EML1: variants seen among roughly 807,000 people sequenced by gnomAD.
EML1 encodes the protein echinoderm microtubule-associated protein-like 1.
EML1 carries 27 observed loss-of-function variants against 110.4 expected under a neutral mutation model. The ratio of observed to expected loss-of-function variants is 0.24; its 90% CI spans 0.18 to 0.34. The LOEUF (loss-of-function observed/expected upper bound fraction) is 0.34. EML1 is among the 10% of genes least tolerant of loss of function. The pLI, the probability that EML1 is intolerant of heterozygous loss-of-function variation, is 1.00. For missense variants in EML1, 741 were observed against 1,030.9 expected, an observed-to-expected ratio of 0.72 and a Z score of 3.85; for synonymous variants, 344 against 385.8, an observed-to-expected ratio of 0.89 and a Z score of 1.27.
At chr14:99,937,492 T>C (rs2060496305) in intron 19 of EML1, among the ~76,000 whole-genome samples, 1 of 151,104 alleles carries the variant, frequency 6.6e-6, no homozygotes, top group Non-Finnish European at 1.5e-5. Context: ...GGCAGAGCTG[T>C]GTTCAGGGGC....
At chr14:99,782,669 T>C (rs1566862146) in intron 1 of EML1, among the ~76,000 whole-genome samples, 3 of 152,074 alleles carry the variant, frequency 2.0e-5, no homozygotes, top group Non-Finnish European at 2.9e-5. Context: ...TACTCTCTGG[T>C]ATAGCTGGAG....
chr14:99,760,618 G>A (rs142674636), intron 1 of EML1, among the ~76,000 whole-genome samples: 1 of 152,138 alleles, frequency 6.6e-6, no homozygotes, highest in Non-Finnish European at 1.5e-5. Context: ...TGCAAAGTAT[G>A]TAAGCCTCCT....
intron 2 of EML1, among the ~76,000 whole-genome samples, chr14:99,855,631 A>G (rs931393111): frequency 6.6e-6 from 1 of 152,136 alleles, no homozygotes; most frequent in Non-Finnish European, 1.5e-5. Flanking sequence ...CCCATTTGAA[A>G]TTTTGCTTGT....
chr14:99,819,899 A>G (rs1486981429), intron 1 of EML1, among the ~76,000 whole-genome samples: 1 of 152,244 alleles, frequency 6.6e-6, no homozygotes, highest in African/African-American at 2.4e-5. Context: ...GTGCTTCTGC[A>G]CTTTTAAAAT....
At chr14:99,923,912 C>A (rs1041029322) in intron 17 of EML1, among the ~76,000 whole-genome samples, 2 of 152,160 alleles carry the variant, frequency 1.3e-5, no homozygotes, top group African/African-American at 4.8e-5. Context: ...CTTCGGCCTC[C>A]CAAAGTGTTG....
intron 17 of EML1, among the ~76,000 whole-genome samples, chr14:99,921,644 C>T (rs1187750544): frequency 6.6e-6 from 1 of 152,162 alleles, no homozygotes. Flanking sequence ...CCACCCACCA[C>T]CCGCCTCCCA....
intron 17 of EML1, among the ~76,000 whole-genome samples, chr14:99,928,239 G>A (rs549253062): frequency 5.7e-5 from 3 of 52,174 alleles, no homozygotes; most frequent in East Asian, 4.7e-4. Flanking sequence ...GGTGGTGGTG[G>A]TGGTGGTGGG....
In EML1 at chr14:99,936,599, G is replaced by T. The variant is rs1480663445; in HGVS notation, c.2095+265G>T. Among the ~76,000 whole-genome samples, 1 of 152,186 alleles carries T rather than the reference G, an allele frequency of 6.6e-6. No individual in the cohort carries two copies. The highest frequency in any genetic ancestry group is 1.5e-5 in the Non-Finnish European group (1 of 68,032). ...GGAAGAAGGCCAAGCCCTGCAGAGG[G>T]GGGCTTGGGGCAGGCGGATGTGGCA... On this transcript the variant is annotated intron_variant, in intron 19 of 21. Transcript: ENST00000262233. This position sits in a 1 kb window ranked among gnomAD's most constrained non-coding sequence, Gnocchi z 5.5.
At chr14:99,807,362 A>G (rs574753756) in intron 1 of EML1, among the ~76,000 whole-genome samples, 1 of 152,342 alleles carries the variant, frequency 6.6e-6, no homozygotes, top group African/African-American at 2.4e-5. Flanking sequence ...AGCTCTAACA[A>G]GGAGAGCTGG....
intron 17 of EML1, among the ~76,000 whole-genome samples, chr14:99,925,693 G>A (rs1014590361): frequency 2.0e-5 from 3 of 152,160 alleles, no homozygotes; most frequent in South Asian, 2.1e-4. Context: ...TTTCCATGTC[G>A]GCCTGGCTTT....
At chr14:99,771,362 A>G (rs2057426618), upstream of EML1, among the ~76,000 whole-genome samples, 2 of 152,318 alleles carry the variant, frequency 1.3e-5, no homozygotes, top group South Asian at 4.1e-4. Flanking sequence ...TTCACTTAAC[A>G]TAACGTTTTC....
intron 3 of EML1, among the ~76,000 whole-genome samples, chr14:99,865,950 G>C (rs1177392329): frequency 6.6e-6 from 1 of 152,086 alleles, no homozygotes; most frequent in Non-Finnish European, 1.5e-5. Context: ...AAAATAAATA[G>C]CTGTTCCCAA....
At chr14:99,775,026 A>G (rs1176958814) in intron 1 of EML1, among the ~76,000 whole-genome samples, 1 of 152,200 alleles carries the variant, frequency 6.6e-6, no homozygotes, top group African/African-American at 2.4e-5. Flanking sequence ...AAAATACAAA[A>G]TAGAGTTGAT....
chr14:99,855,380 T>C (rs1353799532), intron 2 of EML1, among the ~76,000 whole-genome samples: 3 of 152,232 alleles, frequency 2.0e-5, no homozygotes, highest in Non-Finnish European at 4.4e-5. Flanking sequence ...TTGCATTGAA[T>C]CTGAGGTCAA....
Position 99,887,699 on chromosome 14 carries a change from G to A in EML1, c.519-3500G>A, listed in dbSNP as rs77112030. ...ATCTCCCACTCCAAGTGAATTCACC[G>A]CCCAAGCATGTTTCAAAATAGTGCT... On this transcript the variant is annotated intron_variant, in intron 4 of 21. Transcript: ENST00000262233. Among the ~76,000 whole-genome samples, 38 of 152,240 alleles carry A rather than the reference G, an allele frequency of 2.5e-4. No individual in the cohort carries two copies. The East Asian group carries it at 4.1e-3, about 16-fold the overall frequency.
chr14:99,767,163 A>C (rs1360452121), intron 1 of EML1, among the ~76,000 whole-genome samples: 3 of 152,236 alleles, frequency 2.0e-5, no homozygotes, highest in Non-Finnish European at 4.4e-5. Flanking sequence ...ACAAATTTCT[A>C]TTTTAAGGAG....
intron 1 of EML1, among the ~76,000 whole-genome samples, chr14:99,817,510 C>G (rs935680907): frequency 6.6e-6 from 1 of 152,214 alleles, no homozygotes; most frequent in African/African-American, 2.4e-5. Flanking sequence ...GCCACCATGG[C>G]TCCCGCAGCA....
chr14:99,891,527 T>TAA (rs2059587758), intron 5 of EML1, among the ~76,000 whole-genome samples: 1 of 152,224 alleles, frequency 6.6e-6, no homozygotes, highest in Admixed American at 6.5e-5. Flanking sequence ...ATTTCTAGAT[T>TAA]AAAAGGTGTC....
chr14:99,911,505 G>A lies in EML1; in HGVS notation c.1423G>A (p.Val475Met), dbSNP rs2059945884. The change falls in exon 13 of 22, where the codon GTG becomes ATG. Residue 475 changes from valine to methionine, a missense_variant. Val to Met is a conservative substitution (Grantham distance 21, BLOSUM62 1). Coordinates refer to ENST00000262233, the MANE Select transcript of EML1 (RefSeq NM_004434.3). ...TTGTATGTTAAGAGATGGCACACTG[G>A]TGTCGGGAGGTGGGAAAGACCGAAA... is the stretch of plus-strand genomic sequence containing the variant. Reference protein sequence around the residue: ...ALCMLRDGTLVSGGGKDRKLI... With the variant: ...ALCMLRDGTLMSGGGKDRKLI... 1 of 1,613,118 alleles carries A rather than the reference G, an allele frequency of 6.2e-7. No individual in the cohort carries two copies. Among genetic ancestry groups the A allele is most frequent in the Non-Finnish European group, 8.5e-7 (1 of 1,179,880 alleles).
Sources: gnomAD v4.1 joint callset for allele counts (sites outside exome capture counted in the v4.1 genomes callset) on GRCh38, gnomAD v4.1.1 for gene constraint, Gnocchi (gnomAD v3.1) non-coding constraint, MANE v1.5 for transcripts, NCBI Gene and HGNC (gene_info 2026-07-23, HGNC 2026-07-21) for gene names.